CHODL: variants seen among roughly 807,000 people sequenced by gnomAD.
CHODL encodes chondrolectin.
In CHODL, 29 loss-of-function variants were observed where a neutral mutation model predicts 34.5. The observed-to-expected ratio is 0.84, with a 90% CI of 0.63 to 1.15. The LOEUF is 1.15. CHODL is among the 50% of genes most tolerant of loss of function. The pLI is 0.00. For missense variants in CHODL, 332 were observed against 332.5 expected (o/e 1.00, Z 0.01); for synonymous variants, 125 against 116.1 (o/e 1.08, Z -0.49).
At chr21:18,071,568 C>A (rs914350024) in intron 2 of CHODL, among the ~76,000 whole-genome samples, 1 of 152,180 alleles carries the variant, frequency 6.6e-6, no homozygotes, top group Middle Eastern at 3.4e-3. Flanking sequence ...CTACACAGCT[C>A]CCCACGTGAT....
chr21:17,975,286 T>C (rs2063652473), intron 1 of CHODL, among the ~76,000 whole-genome samples: 1 of 152,086 alleles, frequency 6.6e-6, no homozygotes, highest in Non-Finnish European at 1.5e-5. Context: ...ACACGTGTAC[T>C]TGAGAGTGAA....
In CHODL at chr21:18,257,132, G is replaced by C; in HGVS notation, c.547+5G>C. On this transcript the variant is annotated splice_donor_5th_base_variant and intron_variant, in intron 3 of 5. Transcript: ENST00000299295. ...ATATTTGCAAGTATGAACCAGGTAA[G>C]CAGTAGCAAAAGAAGGTATAGAAGA... 6.2e-7 allele frequency: 1 copy of C among 1,603,500 alleles called. No individual in the cohort carries two copies.
intron 2 of CHODL, among the ~76,000 whole-genome samples, chr21:18,039,939 T>C (rs534679582): frequency 1.3e-5 from 2 of 151,834 alleles, no homozygotes; most frequent in Non-Finnish European, 3.0e-5. Flanking sequence ...ATGTTGAGAC[T>C]TTAATCCTTA....
intron 2 of CHODL, among the ~76,000 whole-genome samples, chr21:18,140,430 G>C (rs2072787155): frequency 6.6e-6 from 1 of 152,154 alleles, no homozygotes; most frequent in African/African-American, 2.4e-5. Context: ...TTTACAGTTT[G>C]AGTCACCAGT....
intron 1 of CHODL, among the ~76,000 whole-genome samples, chr21:17,975,557 G>A (rs1010902760): frequency 5.4e-4 from 82 of 151,898 alleles, no homozygotes; most frequent in African/African-American, 1.8e-3. Context: ...CCTCACACAC[G>A]CCACATTCCT....
intron 2 of CHODL, among the ~76,000 whole-genome samples, chr21:18,107,398 A>G (rs2065286526): frequency 6.6e-6 from 1 of 152,218 alleles, no homozygotes; most frequent in Non-Finnish European, 1.5e-5. Flanking sequence ...GGAAAGACAA[A>G]TGCACAGCAG....
intron 1 of CHODL, among the ~76,000 whole-genome samples, chr21:17,942,989 TC>T (rs1259840433): frequency 6.6e-6 from 1 of 152,204 alleles, no homozygotes; most frequent in Non-Finnish European, 1.5e-5. Flanking sequence ...TGTGCTTGCT[TC>T]CTCTTCACTT....
At chr21:18,093,876 C>T (rs1221971428) in intron 2 of CHODL, among the ~76,000 whole-genome samples, 2 of 151,972 alleles carry the variant, frequency 1.3e-5, no homozygotes, top group Admixed American at 6.6e-5. Context: ...GAGTAATTCC[C>T]TACTTATCAA....
At chr21:18,061,917 G>A (rs1303473341) in intron 2 of CHODL, among the ~76,000 whole-genome samples, 1 of 152,160 alleles carries the variant, frequency 6.6e-6, no homozygotes, top group Non-Finnish European at 1.5e-5. Flanking sequence ...AAGATACAGT[G>A]TTTTGCAGAA....
Position 18,260,154 on chromosome 21 carries a change from C to A in CHODL, c.548-46C>A, listed in dbSNP as rs560057719. 6 of 842,506 alleles carry A rather than the reference C, an allele frequency of 7.1e-6. No homozygotes were observed. The East Asian group carries it at 9.1e-5, about 13-fold the overall frequency. The allele number at this position is 842,506 out of a possible 1,614,324, so 52.2% of individuals were successfully genotyped here. ...TTCATATTTATATATATTTTCAATT[C>A]TCTTGTTTAATCATTATATATGATG... On this transcript the variant is annotated intron_variant, in intron 3 of 5. Coordinates refer to ENST00000299295, the MANE Select transcript of CHODL (RefSeq NM_024944.3).
intron 1 of CHODL, among the ~76,000 whole-genome samples, chr21:17,975,891 A>C (rs2063657915): frequency 1.3e-5 from 2 of 152,186 alleles, no homozygotes; most frequent in African/African-American, 4.8e-5. Context: ...TAGAACCCAA[A>C]ACAACAAACC....
At chr21:18,147,420 C>T (rs2072906548) in intron 2 of CHODL, among the ~76,000 whole-genome samples, 1 of 152,214 alleles carries the variant, frequency 6.6e-6, no homozygotes, top group African/African-American at 2.4e-5. Flanking sequence ...TGTTCCCAAG[C>T]CTTGTCTCTG....
chr21:18,025,218 CAAATA>C (rs2064162992), intron 1 of CHODL, among the ~76,000 whole-genome samples: 1 of 152,084 alleles, frequency 6.6e-6, no homozygotes, highest in African/African-American at 2.4e-5. Flanking sequence ...AAAAAATTAT[CAAATA>C]AAATGCTAAA....
chr21:18,052,819 T>C (rs751583867), intron 2 of CHODL, among the ~76,000 whole-genome samples: 9 of 151,966 alleles, frequency 5.9e-5, no homozygotes, highest in Non-Finnish European at 1.3e-4. Flanking sequence ...GAATTGAGTT[T>C]GTCACTTTTG....
chr21:17,956,113 T>C (rs528796283), intron 1 of CHODL, among the ~76,000 whole-genome samples: 1 of 136,940 alleles, frequency 7.3e-6, no homozygotes, highest in East Asian at 2.2e-4. Context: ...AAATCTCATG[T>C]TGAGATGTAA....
intron 2 of CHODL, among the ~76,000 whole-genome samples, chr21:18,035,249 A>G (rs1014987229): frequency 3.9e-5 from 6 of 151,986 alleles, no homozygotes; most frequent in South Asian, 2.1e-4. Flanking sequence ...GGCTGGGTAT[A>G]GAACACCAGG....
At chr21:18,105,412 C>A (rs1210647231) in intron 2 of CHODL, among the ~76,000 whole-genome samples, 1 of 152,192 alleles carries the variant, frequency 6.6e-6, no homozygotes, top group Non-Finnish European at 1.5e-5. Context: ...GTCCTTCAGT[C>A]TTCCCTGCAA....
At chr21:18,039,815 C>T (rs1217572592) in intron 2 of CHODL, among the ~76,000 whole-genome samples, 1 of 151,732 alleles carries the variant, frequency 6.6e-6, no homozygotes, top group East Asian at 1.9e-4. Context: ...GTTAAAATAA[C>T]AATTAAAGCC....
intron 1 of CHODL, among the ~76,000 whole-genome samples, chr21:17,939,404 T>C (rs1359831909): frequency 1.3e-5 from 2 of 152,238 alleles, no homozygotes; most frequent in African/African-American, 4.8e-5. Flanking sequence ...CACATATTGC[T>C]GAATTTCCTT....
Sources: gnomAD v4.1 joint callset for allele counts (sites outside exome capture counted in the v4.1 genomes callset) on GRCh38, gnomAD v4.1.1 for gene constraint, MANE v1.5 for transcripts, NCBI Gene and HGNC (gene_info 2026-07-23, HGNC 2026-07-21) for gene names.